Variants in TMEM108 observed in about 807,000 individuals in gnomAD.
TMEM108 encodes transmembrane protein 108, also known as cancer/testis antigen 124.
In TMEM108, 12 loss-of-function variants were observed where a neutral mutation model predicts 35.1. That is an observed-to-expected ratio of 0.34 (90% CI 0.22 to 0.55). The LOEUF (loss-of-function observed/expected upper bound fraction) is 0.55. Among genes scored for constraint, TMEM108 ranks in the 20% least tolerant of loss-of-function variants. The probability of loss-of-function intolerance (pLI) is 0.89; values close to 1 mark genes in which losing one functional copy is unlikely to be tolerated. For synonymous variants in TMEM108, 287 were observed against 308.6 expected (o/e 0.93, Z 0.73); for missense variants, 680 against 753.3 (o/e 0.90, Z 1.14).
intron 2 of TMEM108, among the ~76,000 whole-genome samples, chr3:133,220,136 A>G (rs1945968613): frequency 6.7e-6 from 1 of 149,318 alleles, no homozygotes; most frequent in Non-Finnish European, 1.5e-5. Context: ...CGATAAAAGT[A>G]TAGTTACCCT....
intron 3 of TMEM108, among the ~76,000 whole-genome samples, chr3:133,364,070 T>G (rs1472273034): frequency 6.6e-6 from 1 of 152,218 alleles, no homozygotes; most frequent in Non-Finnish European, 1.5e-5. Flanking sequence ...GTTAACTCCT[T>G]TAGTCTTCAC....
chr3:133,101,067 T>G (rs946461803), intron 2 of TMEM108, among the ~76,000 whole-genome samples: 21 of 152,214 alleles, frequency 1.4e-4, no homozygotes, highest in Admixed American at 1.3e-3. Flanking sequence ...GTCCTATTTT[T>G]GATTATTTAA....
intron 2 of TMEM108, among the ~76,000 whole-genome samples, chr3:133,065,298 A>T (rs1943582733): frequency 6.6e-6 from 1 of 152,074 alleles, no homozygotes; most frequent in Non-Finnish European, 1.5e-5. Flanking sequence ...ACACACACAC[A>T]CACACGCACA....
chr3:133,091,404 A>C (rs1943945256), intron 2 of TMEM108, among the ~76,000 whole-genome samples: 1 of 152,194 alleles, frequency 6.6e-6, no homozygotes, highest in South Asian at 2.1e-4. Flanking sequence ...GGACTTGTTG[A>C]CTAGATCAGT....
chr3:133,324,112 T>C (rs2071300208), intron 3 of TMEM108, among the ~76,000 whole-genome samples: 1 of 152,146 alleles, frequency 6.6e-6, no homozygotes, highest in Non-Finnish European at 1.5e-5. Flanking sequence ...ATACATTGGC[T>C]TAGGCAAAGA....
Position 133,338,504 on chromosome 3 carries a change from A to G in TMEM108, c.41-41248A>G, listed in dbSNP as rs2071567962. Among the ~76,000 whole-genome samples the G allele has an allele frequency of 2.0e-5, 3 of 152,058 alleles. No individual in the cohort carries two copies. In the South Asian group the frequency reaches 6.2e-4, roughly 32 times the overall value. ...AGAAATAGACTTTCCCAGACAAACA[A>G]AAGTTAAGGGATTTCATCAACATTA... On this transcript the variant is annotated intron_variant, in intron 3 of 5. Transcript: ENST00000321871.
In TMEM108 at chr3:133,380,112, G is replaced by A. The variant is rs764626696; in HGVS notation, c.401G>A (p.Arg134Gln). 5.2e-5 allele frequency: 84 copies of A among 1,613,760 alleles called. No homozygotes were observed. The highest frequency in any genetic ancestry group is 3.5e-4 in the Admixed American group (21 of 60,004). Residue 134 changes from arginine to glutamine, a missense_variant, in exon 4 of 6, where the codon CGA becomes CAA. By Grantham distance (43) the Arg-to-Gln change is conservative (BLOSUM62 1). This residue lies in a region of TMEM108 where 526 missense variants were observed against 532.1 expected (regional missense o/e 0.99). Transcript: ENST00000321871. The surrounding 1 kb of genome is among the most constrained non-coding windows in gnomAD (Gnocchi z 5.3). ...TCCTCCAAGCCAGAGGGCCGCCCTCGAGGGCAGGCTGCCCCCACCATCCTG... is the reference window on the plus strand; with the variant it reads ...TCCTCCAAGCCAGAGGGCCGCCCTCAAGGGCAGGCTGCCCCCACCATCCTG... ...TTSSKPEGRP[R>Q]GQAAPTILLT...
chr3:133,381,310 C>A, intron 4 of TMEM108, 149 bp downstream of exon 4: 1 of 843,110 alleles, frequency 1.2e-6, no homozygotes, highest in Non-Finnish European at 1.8e-6. Flanking sequence ...GACAGGTTAT[C>A]CCTGACCCTA....
intron 3 of TMEM108, among the ~76,000 whole-genome samples, chr3:133,310,178 G>C (rs1459129241): frequency 6.6e-6 from 1 of 152,194 alleles, no homozygotes; most frequent in Non-Finnish European, 1.5e-5. Context: ...TGTATATTCT[G>C]TTGATATGGG....
At chr3:133,291,490 C>G (rs1241375764) in intron 3 of TMEM108, among the ~76,000 whole-genome samples, 2 of 152,058 alleles carry the variant, frequency 1.3e-5, no homozygotes, top group East Asian at 3.9e-4. Flanking sequence ...GTTGTCCAGG[C>G]TGGTCTCAAA....
chr3:133,252,825 A>C (rs1216365901), intron 3 of TMEM108, among the ~76,000 whole-genome samples: 2 of 152,192 alleles, frequency 1.3e-5, no homozygotes, highest in African/African-American at 2.4e-5. Context: ...AGAAACATAA[A>C]ACACCATATG....
At chr3:133,066,163 G>A (rs565666848) in intron 2 of TMEM108, among the ~76,000 whole-genome samples, 5 of 151,828 alleles carry the variant, frequency 3.3e-5, no homozygotes, top group Non-Finnish European at 7.4e-5. Flanking sequence ...TTTCTCTATA[G>A]TAAAGACTTT....
At chr3:133,193,309 GAAATA>G (rs1945527239) in intron 2 of TMEM108, among the ~76,000 whole-genome samples, 2 of 152,126 alleles carry the variant, frequency 1.3e-5, no homozygotes, top group Admixed American at 1.3e-4. Flanking sequence ...AAAGCCTAAA[GAAATA>G]AATGTTCAGA....
chr3:133,095,226 T>C (rs1218674202), intron 2 of TMEM108, among the ~76,000 whole-genome samples: 2 of 152,126 alleles, frequency 1.3e-5, no homozygotes, highest in African/African-American at 4.8e-5. Context: ...AAGAGGATTA[T>C]GAGATGTGTG....
intron 2 of TMEM108, among the ~76,000 whole-genome samples, chr3:133,224,394 A>T (rs557801105): frequency 1.3e-5 from 2 of 152,256 alleles, no homozygotes; most frequent in East Asian, 3.9e-4. Flanking sequence ...GTTGTGGATG[A>T]GCATTGTGGA....
At chr3:133,200,082 T>C (rs1320849510) in intron 2 of TMEM108, among the ~76,000 whole-genome samples, 1 of 152,124 alleles carries the variant, frequency 6.6e-6, no homozygotes, top group Middle Eastern at 3.2e-3. Context: ...CGGGATATAA[T>C]CTCCTGGTGT....
rs150385080 is a variant in TMEM108 at position 133,207,479 on chromosome 3, G to A, written c.-46-21787G>A. Among the ~76,000 whole-genome samples the A allele has an allele frequency of 3.4e-3, 514 of 152,224 alleles. 3 individuals carry two copies. Among genetic ancestry groups the A allele is most frequent in the African/African-American group, 0.011 (472 of 41,544 alleles). On this transcript the variant is annotated intron_variant, in intron 2 of 5. Transcript: ENST00000321871. ...TCTGATTTGAGCTGATTTGTCAGGC[G>A]AAGTGGCTTACATGTTTGATTTACC...
chr3:133,187,932 T>A (rs1159455289), intron 2 of TMEM108, among the ~76,000 whole-genome samples: 1 of 151,198 alleles, frequency 6.6e-6, no homozygotes, highest in Non-Finnish European at 1.5e-5. Context: ...AGGCTATTTT[T>A]AAAAATCTGA....
Position 133,396,118 on chromosome 3 carries a change from G to A in TMEM108, c.*132G>A. On this transcript the variant is annotated 3_prime_UTR_variant, in exon 6 of 6. Transcript: ENST00000321871. ...AAACATTTTCAGCTTTTTTTCCTAT[G>A]AATTGTCAACATCTTTTTTACAAGT... 1.7e-6 allele frequency: 1 copy of A among 576,410 alleles called. No individual in the cohort carries two copies. The highest frequency in any genetic ancestry group is 2.3e-6 in the Non-Finnish European group (1 of 425,568). The allele number at this position is 576,410 out of a possible 1,614,324, so 35.7% of individuals were successfully genotyped here. A position where few individuals can be genotyped will look rare whatever the true frequency, so the allele number is the denominator to read the frequency against.
Sources: gnomAD v4.1 joint callset for allele counts (sites outside exome capture counted in the v4.1 genomes callset) on GRCh38, gnomAD v4.1.1 for gene constraint, gnomAD v4.1.1 regional missense constraint, Gnocchi (gnomAD v3.1) non-coding constraint, MANE v1.5 for transcripts, NCBI Gene and HGNC (gene_info 2026-07-23, HGNC 2026-07-21) for gene names.